SNX13: variants seen among roughly 807,000 people sequenced by gnomAD.
SNX13 encodes the protein sorting nexin-13.
SNX13 carries 45 observed loss-of-function variants against 133.6 expected under a neutral mutation model. The ratio of observed to expected loss-of-function variants is 0.34; its 90% CI spans 0.27 to 0.43. The LOEUF (loss-of-function observed/expected upper bound fraction) is 0.43. SNX13 is among the 20% of genes least tolerant of loss of function. The pLI is 1.00. For synonymous variants in SNX13, 414 were observed against 373.9 expected, an observed-to-expected ratio of 1.11 and a Z score of -1.24; for missense variants, 1,032 against 1,145.1, an observed-to-expected ratio of 0.90 and a Z score of 1.43.
chr7:17,903,829 T>C (rs1798108372), intron 1 of SNX13, among the ~76,000 whole-genome samples: 2 of 152,170 alleles, frequency 1.3e-5, no homozygotes, highest in African/African-American at 2.4e-5. Context: ...CCCAAGAAAG[T>C]AGTCAGAAAA....
intron 1 of SNX13, chr7:17,898,135 G>A (rs928645265): frequency 1.1e-4 from 17 of 149,238 alleles, no homozygotes; most frequent in Admixed American, 9.4e-4. Flanking sequence ...AAAAAAAAAC[G>A]CCTTTTATTA....
chr7:17,872,383 G>A (rs1419862033), intron 8 of SNX13, among the ~76,000 whole-genome samples: 1 of 152,140 alleles, frequency 6.6e-6, no homozygotes, highest in Non-Finnish European at 1.5e-5. Context: ...GTAGCTGGCT[G>A]GAGTAATATA....
At chr7:17,904,329 T>C (rs1286257623) in intron 1 of SNX13, among the ~76,000 whole-genome samples, 5 of 152,320 alleles carry the variant, frequency 3.3e-5, no homozygotes, top group African/African-American at 1.2e-4. Context: ...TGTGACATCA[T>C]CTCTCAAGTC....
chr7:17,864,607 C>T (rs975224829), intron 9 of SNX13, among the ~76,000 whole-genome samples: 3 of 151,868 alleles, frequency 2.0e-5, no homozygotes, highest in Non-Finnish European at 4.4e-5. Context: ...GAAATAATAA[C>T]AAAGAACTTT....
At chr7:17,796,227 C>G (rs565897907) in intron 25 of SNX13, 1 of 151,776 alleles carries the variant, frequency 6.6e-6, no homozygotes, top group Non-Finnish European at 1.5e-5. Flanking sequence ...AGTGAGATAG[C>G]TATACCCTAA....
At chr7:17,838,015 T>C (rs1259274636) in intron 13 of SNX13, among the ~76,000 whole-genome samples, 1 of 151,924 alleles carries the variant, frequency 6.6e-6, no homozygotes, top group African/African-American at 2.4e-5. Context: ...AAACAGTATA[T>C]AAATTTCTGT....
chr7:17,794,344 C>A, intron 25 of SNX13, 52 bp from the exon 26 acceptor site: 1 of 1,560,554 alleles, frequency 6.4e-7, no homozygotes, highest in Non-Finnish European at 8.6e-7. Context: ...AACACAAGGC[C>A]TAAACTCTTA....
chr7:17,812,228 A>G (rs922210913), intron 20 of SNX13, among the ~76,000 whole-genome samples: 2 of 152,178 alleles, frequency 1.3e-5, no homozygotes, highest in Non-Finnish European at 2.9e-5. Flanking sequence ...ACAGATTGGG[A>G]GAAAATTTTT....
chr7:17,934,463 G>T lies in SNX13; in HGVS notation c.12+5821C>A, dbSNP rs188981938. Among the ~76,000 whole-genome samples, 375 of 152,274 alleles carry T rather than the reference G, an allele frequency of 2.5e-3. 1 individual carries two copies. The highest frequency in any genetic ancestry group is 4.2e-3 in the Non-Finnish European group (284 of 68,024). ...ATGTGTCTGTGAGGATGTTTCCAGA[G>T]GAGACTGAGATTAGCATGTGAGTCT... On this transcript the variant is annotated intron_variant, in intron 1 of 25. Coordinates refer to ENST00000428135, the MANE Select transcript of SNX13 (RefSeq NM_015132.5).
intron 1 of SNX13, among the ~76,000 whole-genome samples, chr7:17,924,049 C>T (rs1303891144): frequency 6.6e-6 from 1 of 152,108 alleles, no homozygotes; most frequent in Non-Finnish European, 1.5e-5. Context: ...CTATTTGACA[C>T]CACTAATGAA....
chr7:17,846,666 T>TA (rs74828587), intron 11 of SNX13, among the ~76,000 whole-genome samples: 3,424 of 146,322 alleles, frequency 0.023, 53 homozygotes, highest in Non-Finnish European at 0.036. Flanking sequence ...TGTAGAGAAT[T>TA]AAAAAAAAAA....
intron 16 of SNX13, among the ~76,000 whole-genome samples, chr7:17,828,631 C>A (rs1487461996): frequency 6.6e-6 from 1 of 151,360 alleles, no homozygotes; most frequent in Non-Finnish European, 1.5e-5. Context: ...TCTACATGGT[C>A]CAACTACTTA....
intron 24 of SNX13, among the ~76,000 whole-genome samples, chr7:17,797,707 G>C (rs1203041887): frequency 6.6e-6 from 1 of 151,736 alleles, no homozygotes; most frequent in Non-Finnish European, 1.5e-5. Context: ...AGCTCTAGAG[G>C]TGATTCCAAT....
At chr7:17,852,429 A>G (rs1398305699) in intron 9 of SNX13, among the ~76,000 whole-genome samples, 1 of 152,086 alleles carries the variant, frequency 6.6e-6, no homozygotes, top group Non-Finnish European at 1.5e-5. Flanking sequence ...AAAAGAGGAT[A>G]AACTGTGTCA....
At chr7:17,893,559 A>T in intron 2 of SNX13, 125 bp from the exon 3 acceptor site, 1 of 627,216 alleles carries the variant, frequency 1.6e-6, no homozygotes, top group Admixed American at 3.1e-5. Context: ...TCAATTTGTG[A>T]CTTTGGCAAA....
At chr7:17,812,563 C>A (rs1218950796) in intron 20 of SNX13, among the ~76,000 whole-genome samples, 1 of 152,178 alleles carries the variant, frequency 6.6e-6, no homozygotes, top group Non-Finnish European at 1.5e-5. Context: ...TAAATTACTT[C>A]AACCACTGTG....
intron 12 of SNX13, among the ~76,000 whole-genome samples, chr7:17,845,111 G>A (rs1227595039): frequency 1.3e-5 from 2 of 151,628 alleles, no homozygotes; most frequent in African/African-American, 4.8e-5. Flanking sequence ...AGTGGAGGGA[G>A]GGGAGAAGAG....
At position 17,814,938 on chromosome 7, in the gene SNX13, A is replaced by G; in HGVS notation, c.1960T>C (p.Leu654=). Residue 654 remains leucine (L), a synonymous_variant, in exon 20 of 26, where the codon TTA becomes CTA. Transcript: ENST00000428135. ...GATGCCTTCATCATTTCAGGAGCTA[A>G]CAGTAACTAACAAGAAAAAAAAAAA... ...KDLNAYLQLL[L]APEMMKASPA... is the part of the protein sequence containing the mutation. 7.0e-7 allele frequency: 1 copy of G among 1,436,244 alleles called. No homozygotes were observed. Among genetic ancestry groups the G allele is most frequent in the Non-Finnish European group, 9.0e-7 (1 of 1,108,486 alleles). The allele number at this position is 1,436,244 out of a possible 1,614,324, so 89.0% of individuals were successfully genotyped here.
intron 5 of SNX13, among the ~76,000 whole-genome samples, chr7:17,887,336 T>C (rs1796119990): frequency 6.6e-6 from 1 of 152,184 alleles, no homozygotes; most frequent in South Asian, 2.1e-4. Flanking sequence ...CACTATAATA[T>C]CTTATTTAGA....
Sources: gnomAD v4.1 joint callset for allele counts (sites outside exome capture counted in the v4.1 genomes callset) on GRCh38, gnomAD v4.1.1 for gene constraint, MANE v1.5 for transcripts, NCBI Gene and HGNC (gene_info 2026-07-23, HGNC 2026-07-21) for gene names.